The following EXTL3 variants were observed in gnomAD, a reference collection of about 807,000 sequenced individuals.
EXTL3 encodes the protein exostosin-like 3.
EXTL3 carries 27 observed loss-of-function variants against 69.3 expected under a neutral mutation model. The observed-to-expected ratio is 0.39, with a 90% confidence interval of 0.29 to 0.54. The LOEUF is 0.54. EXTL3 is among the 20% of genes least tolerant of loss of function. The pLI is 0.69. For synonymous variants in EXTL3, 511 were observed against 499.4 expected (o/e 1.02, Z -0.31); for missense variants, 1,003 against 1,231.8 (o/e 0.81, Z 2.78).
chr8:28,679,077 A>G (rs552188308), intron 1 of EXTL3, among the ~76,000 whole-genome samples: 1 of 152,194 alleles, frequency 6.6e-6, no homozygotes, highest in Non-Finnish European at 1.5e-5. Context: ...AGAACAGTAC[A>G]TTGAGTAGAT....
In EXTL3 at chr8:28,751,310, G is replaced by A. The variant is rs150525690; in HGVS notation, c.*444G>A. ...TTGCATACATATATATTTTTGGCTG[G>A]GGGAGTGTGAGTTTTGCCTTTCTAA... On this transcript the variant is annotated 3_prime_UTR_variant, in exon 7 of 7. Transcript: ENST00000220562. 38 of 177,026 alleles carry A rather than the reference G, an allele frequency of 2.1e-4. No homozygotes were observed. Among genetic ancestry groups the A allele is most frequent in the African/African-American group, 8.8e-4 (37 of 42,064 alleles). The allele number at this position is 177,026 out of a possible 1,614,324, so 11.0% of individuals were successfully genotyped here. A position where few individuals can be genotyped will look rare whatever the true frequency, so the allele number is the denominator to read the frequency against.
intron 4 of EXTL3, among the ~76,000 whole-genome samples, chr8:28,736,398 A>G (rs1008363528): frequency 4.6e-5 from 7 of 152,248 alleles, no homozygotes; most frequent in African/African-American, 1.2e-4. Flanking sequence ...CAGGCCTGTC[A>G]GGTCCTGTGG....
chr8:28,742,645 C>G, intron 5 of EXTL3: 1 of 303,654 alleles, frequency 3.3e-6, no homozygotes, highest in Non-Finnish European at 6.3e-6. Context: ...AGAATCTGTA[C>G]AGGAGGCAGT....
intron 1 of EXTL3, among the ~76,000 whole-genome samples, chr8:28,659,944 C>G (rs1563438932): frequency 6.6e-6 from 1 of 152,148 alleles, no homozygotes; most frequent in Non-Finnish European, 1.5e-5. Flanking sequence ...CCTGAAAGAA[C>G]TTTGTAAAAT....
rs369944228 is a variant in EXTL3 at position 28,668,194 on chromosome 8, G to T, written c.-52-45263G>T. Among the ~76,000 whole-genome samples the T allele has an allele frequency of 1.7e-4, 25 of 148,240 alleles. No homozygotes were observed. The South Asian group carries it at 5.3e-3, about 31-fold the overall frequency. ...ACGTGAGAGGATTGCTCGAGCCCAGGAGTTCAAGGCTGCAGTGAGGTATGA... is the reference window on the plus strand; with the variant it reads ...ACGTGAGAGGATTGCTCGAGCCCAGTAGTTCAAGGCTGCAGTGAGGTATGA... On this transcript the variant is annotated intron_variant, in intron 1 of 6. Transcript: ENST00000523149.
chr8:28,724,449 C>T (rs148657693), intron 3 of EXTL3, among the ~76,000 whole-genome samples: 2,131 of 152,108 alleles, frequency 0.014, 58 homozygotes, highest in African/African-American at 0.049. Flanking sequence ...CATCACTTGA[C>T]GTTTATTGAA....
intron 1 of EXTL3, among the ~76,000 whole-genome samples, chr8:28,628,562 A>G (rs1457985225): frequency 1.3e-5 from 2 of 152,194 alleles, no homozygotes; most frequent in East Asian, 3.9e-4. Context: ...GGCCAATTTT[A>G]TGTTCAATCT....
At chr8:28,705,139 A>T (rs1563210265) in intron 1 of EXTL3, among the ~76,000 whole-genome samples, 1 of 152,174 alleles carries the variant, frequency 6.6e-6, no homozygotes, top group East Asian at 1.9e-4. Context: ...TGCTGCCTTG[A>T]GTAGGTAGGG....
At chr8:28,680,394 A>G (rs965607771) in intron 1 of EXTL3, among the ~76,000 whole-genome samples, 37 of 151,986 alleles carry the variant, frequency 2.4e-4, no homozygotes, top group Non-Finnish European at 4.9e-4. Context: ...TCAAAAAAAA[A>G]AAAAAAAAAA....
intron 1 of EXTL3, among the ~76,000 whole-genome samples, chr8:28,645,495 G>A (rs192035566): frequency 3.9e-5 from 6 of 152,136 alleles, no homozygotes; most frequent in Non-Finnish European, 5.9e-5. Context: ...GAGCTATAAT[G>A]TACAGTGTCA....
chr8:28,672,520 G>C (rs1807313302), intron 1 of EXTL3, among the ~76,000 whole-genome samples: 1 of 152,110 alleles, frequency 6.6e-6, no homozygotes, highest in African/African-American at 2.4e-5. Flanking sequence ...TGTAGCAATT[G>C]TACTCTTGAA....
chr8:28,736,804 G>C (rs144765472), intron 4 of EXTL3, among the ~76,000 whole-genome samples: 1 of 152,308 alleles, frequency 6.6e-6, no homozygotes, highest in South Asian at 2.1e-4. Context: ...GAAAATGCTT[G>C]TTCATTCATT....
chr8:28,701,395 G>C (rs974800856), upstream of EXTL3: 1 of 151,924 alleles, frequency 6.6e-6, no homozygotes, highest in East Asian at 1.9e-4. Context: ...AGGCCTCGGC[G>C]GTCTTCGGAC....
upstream of EXTL3, chr8:28,622,682 G>C (rs1288685071): frequency 1.3e-5 from 2 of 151,208 alleles, no homozygotes; most frequent in Non-Finnish European, 1.5e-5. Flanking sequence ...CGGCCGGGCC[G>C]GGGATGCGGT....
At chr8:28,737,938 G>A (rs1801686404) in intron 5 of EXTL3, among the ~76,000 whole-genome samples, 1 of 139,618 alleles carries the variant, frequency 7.2e-6, no homozygotes, top group Non-Finnish European at 1.6e-5. Flanking sequence ...TTGTAAAACT[G>A]AGGGCACTGG....
chr8:28,717,953 T>G lies in EXTL3; in HGVS notation c.1894T>G (p.Ser632Ala), dbSNP rs766423907. 1 of 1,614,226 alleles carries G rather than the reference T, an allele frequency of 6.2e-7. No homozygotes were observed. The highest frequency in any genetic ancestry group is 1.1e-5 in the South Asian group (1 of 91,084). Reference protein sequence around the residue: ...VLPSEAKFLGSGTGFRPIGGG... With the variant: ...VLPSEAKFLGAGTGFRPIGGG... ...GCCCTCAGAGGCCAAATTCTTGGGC[T>G]CAGGGACTGGCTTTCGGCCTATTGG... The change falls in exon 3 of 7, where the codon TCA becomes GCA. Residue 632 changes from serine to alanine, a missense_variant. Around this residue, in one of 2 missense-constraint regions of EXTL3, gnomAD observed 261 missense variants for 416.4 expected, o/e 0.63. Coordinates refer to ENST00000220562, the MANE Select transcript of EXTL3 (RefSeq NM_001440.4). This position sits in a 1 kb window ranked among gnomAD's most constrained non-coding sequence, Gnocchi z 8.3.
upstream of EXTL3, among the ~76,000 whole-genome samples, chr8:28,620,970 C>T (rs149822362): frequency 2.3e-3 from 355 of 152,328 alleles, 2 homozygotes; most frequent in African/African-American, 8.2e-3. Context: ...CCCTCTCAGC[C>T]TCCCAAAGTG....
intron 1 of EXTL3, among the ~76,000 whole-genome samples, chr8:28,639,893 A>G (rs916199369): frequency 1.3e-5 from 2 of 152,246 alleles, no homozygotes; most frequent in South Asian, 4.1e-4. Flanking sequence ...ACTTGAGGTC[A>G]GGAGTTCTAG....
chr8:28,690,097 C>A (rs1203958818), intron 1 of EXTL3, among the ~76,000 whole-genome samples: 3 of 152,122 alleles, frequency 2.0e-5, no homozygotes, highest in Non-Finnish European at 4.4e-5. Context: ...TATTTATTAT[C>A]TATTGGTCAA....
Sources: gnomAD v4.1 joint callset for allele counts (sites outside exome capture counted in the v4.1 genomes callset) on GRCh38, gnomAD v4.1.1 for gene constraint, gnomAD v4.1.1 regional missense constraint, Gnocchi (gnomAD v3.1) non-coding constraint, MANE v1.5 for transcripts, NCBI Gene and HGNC (gene_info 2026-07-23, HGNC 2026-07-21) for gene names.